Variants in SNX25 observed in about 807,000 individuals in gnomAD.
SNX25 encodes the protein sorting nexin-25.
A neutral mutation model predicts 113.7 loss-of-function variants in SNX25; 62 were observed. That is an observed-to-expected ratio of 0.55 (90% CI 0.44 to 0.67). The LOEUF is 0.67. SNX25 is among the 30% of genes least tolerant of loss of function. The probability of loss-of-function intolerance (pLI) is 0.00; values close to 1 mark genes in which losing one functional copy is unlikely to be tolerated. For synonymous variants in SNX25, 421 were observed against 436.2 expected (o/e 0.97, Z 0.43); for missense variants, 1,014 against 1,161.0 (o/e 0.87, Z 1.84).
In SNX25 at chr4:185,298,248, C is replaced by T. The variant is rs147369176; in HGVS notation, c.1162+10166C>T. ...GGATTACAGGCATGCACCACCACAC[C>T]GGGCTAATTTTTGTATTTTTAGTAG... On this transcript the variant is annotated intron_variant, in intron 6 of 18. Transcript: ENST00000652585. Among the ~76,000 whole-genome samples, 18 of 152,028 alleles carry T rather than the reference C, an allele frequency of 1.2e-4. No homozygotes were observed. The East Asian group carries it at 2.3e-3, about 20-fold the overall frequency.
intron 1 of SNX25, among the ~76,000 whole-genome samples, chr4:185,236,327 C>T (rs1490455951): frequency 1.3e-5 from 2 of 151,930 alleles, no homozygotes; most frequent in Non-Finnish European, 2.9e-5. Flanking sequence ...TGTGCCACTG[C>T]ACTCCATCCA....
chr4:185,297,208 A>T (rs1579670780), intron 6 of SNX25, among the ~76,000 whole-genome samples: 1 of 152,212 alleles, frequency 6.6e-6, no homozygotes, highest in Non-Finnish European at 1.5e-5. Context: ...ATTTAAATGA[A>T]TTAAAAGTAA....
At position 185,314,585 on chromosome 4, in the gene SNX25, C is replaced by T. The variant is rs533759584; in HGVS notation, c.1344+3769C>T. 3.3e-5 allele frequency among the ~76,000 whole-genome samples: 5 copies of T among 152,150 alleles called. No homozygotes were observed. In the East Asian group the frequency reaches 5.8e-4, roughly 18 times the overall value. ...GATTCAAAAAGAAATGGAGGCTGGG[C>T]GCAGTGGCTCACGCCTGTAATCCCA... On this transcript the variant is annotated intron_variant, in intron 7 of 18. Coordinates refer to ENST00000652585, the MANE Select transcript of SNX25 (RefSeq NM_001378034.2).
chr4:185,240,367 C>G (rs1401730529), intron 1 of SNX25, among the ~76,000 whole-genome samples: 1 of 151,524 alleles, frequency 6.6e-6, no homozygotes, highest in African/African-American at 2.4e-5. Flanking sequence ...CTCTCACCTC[C>G]CGGACGGGGC....
chr4:185,335,462 T>TA (rs2095224062), intron 10 of SNX25, among the ~76,000 whole-genome samples: 1 of 152,176 alleles, frequency 6.6e-6, no homozygotes, highest in Non-Finnish European at 1.5e-5. Flanking sequence ...CTTTTCTGGA[T>TA]TAAATATCTA....
downstream of SNX25, among the ~76,000 whole-genome samples, chr4:185,374,634 A>C (rs2095427116): frequency 6.6e-6 from 1 of 152,200 alleles, no homozygotes; most frequent in African/African-American, 2.4e-5. Flanking sequence ...GATAAGGAGG[A>C]AAAGAATCTC....
At chr4:185,377,044 C>G in the SNX25 span, 2 of 1,421,220 alleles carry the variant, frequency 1.4e-6, no homozygotes, top group African/African-American at 2.8e-5. Flanking sequence ...TAAGGAATTC[C>G]ATCAACCACA....
rs568840441 is a variant in SNX25 at position 185,250,995 on chromosome 4, T to TTG, written c.514+3634_514+3635dup. On this transcript the variant is annotated intron_variant, in intron 2 of 18. Transcript: ENST00000652585. ...AAGTATATAGTTCAATAATGTTTTG[T>TTG]TGTGTGTGTGTGTGTGTGACACGGA... Among the ~76,000 whole-genome samples, 340 of 150,786 alleles carry TTG rather than the reference T, an allele frequency of 2.3e-3. 1 individual carries two copies. The highest frequency in any genetic ancestry group is 2.3e-3 in the South Asian group (11 of 4,732).
Position 185,273,474 on chromosome 4 carries a change from T to G in SNX25, c.1091+6319T>G, listed in dbSNP as rs114450699. ...GATGTATGTACACATTGTGGAGTGATTACCACAAGCAAGCTAATTAACATA... is the reference window on the plus strand; with the variant it reads ...GATGTATGTACACATTGTGGAGTGAGTACCACAAGCAAGCTAATTAACATA... On this transcript the variant is annotated intron_variant, in intron 5 of 18. Transcript: ENST00000652585. Among the ~76,000 whole-genome samples the G allele has an allele frequency of 3.8e-3, 586 of 152,252 alleles. 2 individuals carry two copies. Among genetic ancestry groups the G allele is most frequent in the African/African-American group, 0.013 (538 of 41,542 alleles).
chr4:185,351,305 G>A (rs1342375070), intron 13 of SNX25, 140 bp from the exon 14 acceptor site: 2 of 803,042 alleles, frequency 2.5e-6, no homozygotes, highest in African/African-American at 1.7e-5. Context: ...TTGTTTCAGG[G>A]GGAAAGGGAA....
At position 185,296,458 on chromosome 4, in the gene SNX25, T is replaced by G. The variant is rs566763970; in HGVS notation, c.1162+8376T>G. ...TAGTTTGTCTTAGAGAGAGAAACAT[T>G]ACTCTCCTTAACAAGGTGGAAATTT... is the stretch of plus-strand genomic sequence containing the variant. On this transcript the variant is annotated intron_variant, in intron 6 of 18. Coordinates refer to ENST00000652585, the MANE Select transcript of SNX25 (RefSeq NM_001378034.2). 2.8e-3 allele frequency among the ~76,000 whole-genome samples: 429 copies of G among 152,308 alleles called. 1 individual carries two copies. Among genetic ancestry groups the G allele is most frequent in the African/African-American group, 9.3e-3 (388 of 41,568 alleles).
At chr4:185,237,289 A>C (rs892716888) in intron 1 of SNX25, among the ~76,000 whole-genome samples, 23 of 152,212 alleles carry the variant, frequency 1.5e-4, no homozygotes, top group African/African-American at 5.1e-4. Flanking sequence ...TCAGCACAAT[A>C]AAAGCACAAC....
At chr4:185,267,988 A>T (rs1261141654) in intron 5 of SNX25, among the ~76,000 whole-genome samples, 3 of 152,234 alleles carry the variant, frequency 2.0e-5, no homozygotes, top group Non-Finnish European at 4.4e-5. Flanking sequence ...ACATGGAAGT[A>T]TGCTGAGGAG....
chr4:185,345,742 G>C (rs113060479), intron 12 of SNX25, among the ~76,000 whole-genome samples: 3,110 of 151,988 alleles, frequency 0.02, 74 homozygotes, highest in African/African-American at 0.052. Context: ...CATGAGCCAT[G>C]ATCACGCCAC....
upstream of SNX25, among the ~76,000 whole-genome samples, chr4:185,208,107 ATTTAT>A (rs1464494103): frequency 4.6e-5 from 7 of 151,938 alleles, no homozygotes; most frequent in Non-Finnish European, 7.4e-5. Context: ...ATACTGCTTT[ATTTAT>A]TTTATTTTAT....
intron 15 of SNX25, among the ~76,000 whole-genome samples, chr4:185,356,195 G>A (rs750339778): frequency 3.9e-5 from 6 of 152,014 alleles, no homozygotes; most frequent in Non-Finnish European, 7.4e-5. Flanking sequence ...GGGAAGGTGA[G>A]GGAAAAGTAA....
chr4:185,370,762 C>T, downstream of SNX25: 1 of 1,614,088 alleles, frequency 6.2e-7, no homozygotes, highest in Non-Finnish European at 8.5e-7. Context: ...GGGAGACAGT[C>T]TGTGACCTGG....
intron 12 of SNX25, among the ~76,000 whole-genome samples, chr4:185,346,262 G>A (rs907829722): frequency 7.2e-5 from 11 of 152,164 alleles, no homozygotes; most frequent in African/African-American, 2.7e-4. Flanking sequence ...CACATCATGT[G>A]CCACCCTGCG....
chr4:185,258,773 G>A, intron 2 of SNX25, 75 bp from the exon 3 acceptor site: 1 of 1,237,960 alleles, frequency 8.1e-7, no homozygotes, highest in Non-Finnish European at 1.2e-6. Flanking sequence ...TAGGTGGCCA[G>A]TTTCCAGTAG....
Sources: allele counts gnomAD v4.1 joint callset (sites outside exome capture counted in the v4.1 genomes callset), GRCh38; gene constraint gnomAD v4.1.1; transcripts MANE v1.5; gene names NCBI Gene and HGNC (gene_info 2026-07-23, HGNC 2026-07-21).